The following PLEKHA5 variants were observed in gnomAD, a reference collection of about 807,000 sequenced individuals.
PLEKHA5 encodes pleckstrin homology domain containing A5.
Under a neutral mutation model 181.9 loss-of-function variants are expected in PLEKHA5, and 55 were observed. The observed-to-expected ratio is 0.30, with a 90% confidence interval of 0.24 to 0.38. The LOEUF is 0.38. PLEKHA5 is among the 10% of genes least tolerant of loss of function. The pLI is 1.00. For synonymous variants in PLEKHA5, 535 were observed against 529.4 expected (o/e 1.01, Z -0.15); for missense variants, 1,432 against 1,549.5 (o/e 0.92, Z 1.27).
chr12:19,276,282 T>C (rs2074478703), intron 11 of PLEKHA5, among the ~76,000 whole-genome samples: 1 of 152,104 alleles, frequency 6.6e-6, no homozygotes, highest in African/African-American at 2.4e-5. Flanking sequence ...TTGGAGAAAG[T>C]TCAAAAGTTA....
intron 15 of PLEKHA5, among the ~76,000 whole-genome samples, chr12:19,294,163 G>A (rs1407899506): frequency 6.6e-6 from 1 of 152,114 alleles, no homozygotes; most frequent in Non-Finnish European, 1.5e-5. Flanking sequence ...ACATGGTGGA[G>A]ACTGCCCAAA....
chr12:19,237,078 A>C (rs909350327), intron 3 of PLEKHA5: 2 of 152,192 alleles, frequency 1.3e-5, no homozygotes, highest in African/African-American at 4.8e-5. Flanking sequence ...ATAAATAGCT[A>C]ATAGCTAAGT....
At chr12:19,289,606 T>A (rs1271380419) in intron 13 of PLEKHA5, among the ~76,000 whole-genome samples, 1 of 152,272 alleles carries the variant, frequency 6.6e-6, no homozygotes, top group East Asian at 1.9e-4. Context: ...TGATCATACT[T>A]TACTGTATTT....
rs2048802820 is a variant in PLEKHA5, at chr12:19,182,308, C to T, written c.227+49858C>T. On this transcript the variant is annotated intron_variant, in intron 3 of 31. Transcript: ENST00000429027. The stretch of plus-strand genomic sequence containing the variant: ...GATTTCTTTCTTTCTTTTATTATTG[C>T]CAGTGAGACAGTTTTGGCATTTTTG... Among the ~76,000 whole-genome samples, 3 of 152,176 alleles carry T rather than the reference C, an allele frequency of 2.0e-5. No homozygotes were observed. The South Asian group carries it at 6.2e-4, about 32-fold the overall frequency.
At chr12:19,184,761 T>C (rs1014356875) in intron 3 of PLEKHA5, among the ~76,000 whole-genome samples, 1 of 152,190 alleles carries the variant, frequency 6.6e-6, no homozygotes, top group African/African-American at 2.4e-5. Flanking sequence ...GGAATGGAAT[T>C]TTTCAAAGAA....
At chr12:19,336,098 C>G (rs892925255) in intron 20 of PLEKHA5, among the ~76,000 whole-genome samples, 27 of 152,146 alleles carry the variant, frequency 1.8e-4, no homozygotes, top group Admixed American at 3.9e-4. Flanking sequence ...TGAGTCCTCA[C>G]AAACAGGATT....
At chr12:19,189,983 A>G (rs942217027) in intron 3 of PLEKHA5, among the ~76,000 whole-genome samples, 2 of 152,176 alleles carry the variant, frequency 1.3e-5, no homozygotes, top group African/African-American at 4.8e-5. Flanking sequence ...TTTTCCAAAG[A>G]CATTAATTTG....
At chr12:19,253,064 C>CTGTTTTTTTTTT (rs2065786894) in intron 3 of PLEKHA5, among the ~76,000 whole-genome samples, 1 of 45,834 alleles carries the variant, frequency 2.2e-5, no homozygotes, top group African/African-American at 6.4e-5. Flanking sequence ...ATCAACTTAC[C>CTGTTTTTTTTTT]TTTTTTTTTT....
intron 3 of PLEKHA5, among the ~76,000 whole-genome samples, chr12:19,170,322 C>T (rs930504680): frequency 2.6e-5 from 4 of 151,924 alleles, no homozygotes; most frequent in African/African-American, 4.8e-5. Context: ...CTGATGTTTC[C>T]GCAGATATTT....
intron 3 of PLEKHA5, among the ~76,000 whole-genome samples, chr12:19,245,306 A>G (rs920803952): frequency 6.6e-6 from 1 of 152,160 alleles, no homozygotes; most frequent in Non-Finnish European, 1.5e-5. Context: ...CCTTGCTATT[A>G]TAATATAACT....
intron 15 of PLEKHA5, among the ~76,000 whole-genome samples, chr12:19,294,027 A>G (rs184774810): frequency 2.4e-4 from 37 of 152,210 alleles, no homozygotes; most frequent in African/African-American, 8.4e-4. Flanking sequence ...AAGCTATTCA[A>G]TTTTTAAAGT....
chr12:19,135,637 G>A (rs1432241009), intron 3 of PLEKHA5, among the ~76,000 whole-genome samples: 1 of 151,974 alleles, frequency 6.6e-6, no homozygotes, highest in African/African-American at 2.4e-5. Context: ...TTGTGCTTAC[G>A]TTTCCTTGTA....
rs567065028 is a variant in PLEKHA5 at position 19,356,251 on chromosome 12, A to C, written c.3139-1977A>C. On this transcript the variant is annotated intron_variant, in intron 26 of 31. Transcript: ENST00000429027. ...AGGTTTAGGCCAGGCATAGTAGCTC[A>C]TACCTATAATTCCAGCACTTTGGGA... Among the ~76,000 whole-genome samples the C allele has an allele frequency of 2.0e-5, 3 of 152,228 alleles. No homozygotes were observed. In the South Asian group the frequency reaches 6.2e-4, roughly 32 times the overall value.
intron 3 of PLEKHA5, among the ~76,000 whole-genome samples, chr12:19,212,808 CATG>C (rs1389239991): frequency 6.7e-6 from 1 of 148,972 alleles, no homozygotes; most frequent in African/African-American, 2.5e-5. Context: ...AAGAGGAAAA[CATG>C]ATGAGAGTGG....
At chr12:19,323,115 G>C (rs2153050532) in intron 20 of PLEKHA5, among the ~76,000 whole-genome samples, 1 of 148,528 alleles carries the variant, frequency 6.7e-6, no homozygotes, top group East Asian at 2.0e-4. Context: ...CTCCTGGCTT[G>C]GCCTGCCAAA....
chr12:19,254,694 G>A (rs1330215231), intron 4 of PLEKHA5, among the ~76,000 whole-genome samples: 6 of 152,248 alleles, frequency 3.9e-5, no homozygotes, highest in South Asian at 2.1e-4. Flanking sequence ...ATGGTGGAAC[G>A]TGCTGGTAGT....
chr12:19,375,785 G>A lies in PLEKHA5; in HGVS notation c.*266G>A, dbSNP rs1647207575. ...ATGATTTCAGAGCACATAAGTAAAGGTGCTTTTTAATGTGCAGTCTATTTC... is the reference window on the plus strand; with the variant it reads ...ATGATTTCAGAGCACATAAGTAAAGATGCTTTTTAATGTGCAGTCTATTTC... On this transcript the variant is annotated 3_prime_UTR_variant, in exon 32 of 32. Transcript: ENST00000429027. 1 of 152,524 alleles carries A rather than the reference G, an allele frequency of 6.6e-6. No individual in the cohort carries two copies. 9.4% of individuals were successfully genotyped at this position (152,524 alleles called of 1,614,324 possible).
At chr12:19,277,932 G>C (rs1055413404) in intron 11 of PLEKHA5, among the ~76,000 whole-genome samples, 3 of 152,140 alleles carry the variant, frequency 2.0e-5, no homozygotes, top group African/African-American at 7.2e-5. Flanking sequence ...GGCTTTTATG[G>C]TGCTTGACAG....
At chr12:19,181,732 C>T (rs766797923) in intron 3 of PLEKHA5, among the ~76,000 whole-genome samples, 22 of 152,076 alleles carry the variant, frequency 1.4e-4, no homozygotes, top group South Asian at 4.2e-4. Flanking sequence ...GCCGAGATCG[C>T]GCCACTGCAC....
Sources: allele counts gnomAD v4.1 joint callset (sites outside exome capture counted in the v4.1 genomes callset), GRCh38; gene constraint gnomAD v4.1.1; transcripts MANE v1.5; gene names NCBI Gene and HGNC (gene_info 2026-07-23, HGNC 2026-07-21).